The following SPATA16 variants were observed in gnomAD, a reference collection of about 807,000 sequenced individuals.
SPATA16 encodes the protein spermatogenesis-associated protein 16.
SPATA16 carries 36 observed loss-of-function variants against 63.3 expected under a neutral mutation model. The observed-to-expected ratio is 0.57, with a 90% CI of 0.44 to 0.75. The LOEUF is 0.75. Ranked by LOEUF, SPATA16 falls within the 30% of genes least tolerant of loss-of-function variation. The pLI, the probability that SPATA16 is intolerant of heterozygous loss-of-function variation, is 0.00. For missense variants in SPATA16, 646 were observed against 679.3 expected, an observed-to-expected ratio of 0.95 and a Z score of 0.54; for synonymous variants, 203 against 216.7, an observed-to-expected ratio of 0.94 and a Z score of 0.56.
At chr3:173,057,231 C>A (rs1290786927) in intron 2 of SPATA16, among the ~76,000 whole-genome samples, 1 of 151,850 alleles carries the variant, frequency 6.6e-6, no homozygotes, top group Non-Finnish European at 1.5e-5. Flanking sequence ...CCTGCCTCAG[C>A]CTCCTGAGTA....
At chr3:173,088,828 G>C (rs547388119) in intron 2 of SPATA16, among the ~76,000 whole-genome samples, 4 of 152,184 alleles carry the variant, frequency 2.6e-5, no homozygotes, top group African/African-American at 9.6e-5. Context: ...AAAGCCTACT[G>C]TGTTGTAGGA....
At chr3:172,958,232 A>G (rs1187061715) in intron 5 of SPATA16, among the ~76,000 whole-genome samples, 1 of 152,308 alleles carries the variant, frequency 6.6e-6, no homozygotes, top group Admixed American at 6.5e-5. Flanking sequence ...GAATTGCTGG[A>G]CGTAGAGACC....
At chr3:173,116,358 T>C (rs1737899520) in intron 2 of SPATA16, among the ~76,000 whole-genome samples, 1 of 152,190 alleles carries the variant, frequency 6.6e-6, no homozygotes, top group Non-Finnish European at 1.5e-5. Context: ...TAAAATAAAA[T>C]ACGAAATATG....
At chr3:173,038,818 G>A (rs1484989401) in intron 3 of SPATA16, among the ~76,000 whole-genome samples, 1 of 152,104 alleles carries the variant, frequency 6.6e-6, no homozygotes, top group African/African-American at 2.4e-5. Flanking sequence ...GCTGAAATTT[G>A]CACAGAAATT....
chr3:172,940,440 G>A (rs958089774), intron 6 of SPATA16, among the ~76,000 whole-genome samples: 2 of 152,130 alleles, frequency 1.3e-5, no homozygotes, highest in Non-Finnish European at 2.9e-5. Flanking sequence ...CCCAGAGATG[G>A]CAAAACAACA....
At chr3:172,963,809 G>A (rs997885443) in intron 5 of SPATA16, among the ~76,000 whole-genome samples, 3 of 152,128 alleles carry the variant, frequency 2.0e-5, no homozygotes, top group African/African-American at 7.2e-5. Context: ...AAAGCTTGAT[G>A]AGTACTGGTG....
At chr3:173,115,888 T>C (rs985258033) in intron 2 of SPATA16, among the ~76,000 whole-genome samples, 1 of 114,024 alleles carries the variant, frequency 8.8e-6, no homozygotes, top group African/African-American at 3.5e-5. Context: ...CTTGTGGGCA[T>C]TTTTTTTTTC....
chr3:173,000,635 T>C (rs1206900554), intron 4 of SPATA16, among the ~76,000 whole-genome samples: 1 of 152,088 alleles, frequency 6.6e-6, no homozygotes, highest in East Asian at 1.9e-4. Flanking sequence ...CTCCTTTCTC[T>C]CTTTTTCTCC....
At chr3:172,973,003 G>GAAAT (rs1162382689) in intron 5 of SPATA16, among the ~76,000 whole-genome samples, 2 of 152,178 alleles carry the variant, frequency 1.3e-5, no homozygotes, top group African/African-American at 4.8e-5. Flanking sequence ...ACCCATCTGA[G>GAAAT]ATATTGTGTA....
chr3:172,971,195 C>A (rs1324854471), intron 5 of SPATA16, among the ~76,000 whole-genome samples: 1 of 152,188 alleles, frequency 6.6e-6, no homozygotes, highest in East Asian at 1.9e-4. Flanking sequence ...TGGAAACCTG[C>A]AACTTTCTTC....
intron 4 of SPATA16, among the ~76,000 whole-genome samples, chr3:172,994,201 G>T (rs1734646356): frequency 6.6e-6 from 1 of 152,078 alleles, no homozygotes; most frequent in Non-Finnish European, 1.5e-5. Context: ...TCCTGGTAGG[G>T]AGCCCCCTTT....
At chr3:172,897,488 A>G (rs1032146652) in intron 10 of SPATA16, among the ~76,000 whole-genome samples, 1 of 152,132 alleles carries the variant, frequency 6.6e-6, no homozygotes, top group Non-Finnish European at 1.5e-5. Context: ...AATTTTAGGC[A>G]TACAATTCAT....
chr3:172,990,211 T>C (rs1734543843), intron 4 of SPATA16, among the ~76,000 whole-genome samples: 2 of 152,216 alleles, frequency 1.3e-5, no homozygotes, highest in Non-Finnish European at 2.9e-5. Context: ...AATGAATAAT[T>C]GTAAGCTCCA....
chr3:172,944,815 G>A (rs1187698516), intron 6 of SPATA16, among the ~76,000 whole-genome samples: 2 of 152,166 alleles, frequency 1.3e-5, no homozygotes, highest in Non-Finnish European at 2.9e-5. Context: ...TGTTTGCTAG[G>A]GGATCTGGGG....
At chr3:172,889,750 C>T (rs1731856709) in intron 10 of SPATA16, 58 bp from the exon 11 acceptor site, 27 of 1,597,218 alleles carry the variant, frequency 1.7e-5, no homozygotes, top group Non-Finnish European at 2.3e-5. Flanking sequence ...GTTTTGTATA[C>T]TTATAAAAAC....
intron 5 of SPATA16, among the ~76,000 whole-genome samples, chr3:172,965,052 T>G (rs1298993227): frequency 6.6e-6 from 1 of 152,220 alleles, no homozygotes; most frequent in Non-Finnish European, 1.5e-5. Context: ...AAAAACTCAT[T>G]TATTTATCAA....
intron 10 of SPATA16, among the ~76,000 whole-genome samples, chr3:172,899,649 C>T (rs1011078020): frequency 6.6e-6 from 1 of 151,880 alleles, no homozygotes; most frequent in Non-Finnish European, 1.5e-5. Context: ...GTATGTTAGA[C>T]CTTAGTCTGC....
chr3:172,898,850 C>G (rs1434421421), intron 10 of SPATA16, among the ~76,000 whole-genome samples: 1 of 151,614 alleles, frequency 6.6e-6, no homozygotes, highest in Non-Finnish European at 1.5e-5. Context: ...GCATTTAGTG[C>G]TATACATTTT....
chr3:173,137,820 T>A (rs2108352079), intron 1 of SPATA16, among the ~76,000 whole-genome samples: 1 of 81,898 alleles, frequency 1.2e-5, no homozygotes, highest in South Asian at 4.8e-4. Flanking sequence ...CCATGGACTC[T>A]CAACACACAC....
Sources: allele counts gnomAD v4.1 joint callset (sites outside exome capture counted in the v4.1 genomes callset), GRCh38; gene constraint gnomAD v4.1.1; transcripts MANE v1.5; gene names NCBI Gene and HGNC (gene_info 2026-07-23, HGNC 2026-07-21).